Variants in DNASE1 observed in about 807,000 individuals in gnomAD.
DNASE1 encodes the protein deoxyribonuclease 1.
DNASE1 carries 40 observed loss-of-function variants against 33.9 expected under a neutral mutation model. The ratio of observed to expected loss-of-function variants is 1.18; its 90% CI spans 0.92 to 1.54. The LOEUF (loss-of-function observed/expected upper bound fraction) is 1.54, where lower values mean the gene tolerates loss of function less well. Ranked by LOEUF, DNASE1 falls within the 40% of genes most tolerant of loss-of-function variation. The pLI is 0.00. For synonymous variants in DNASE1, 216 were observed against 160.0 expected (o/e 1.35, Z -2.64); for missense variants, 518 against 372.6 (o/e 1.39, Z -3.21).
chr16:3,637,294 A>C (rs1263532825), intron 1 of DNASE1, among the ~76,000 whole-genome samples: 1 of 152,042 alleles, frequency 6.6e-6, no homozygotes, highest in Non-Finnish European at 1.5e-5. Flanking sequence ...TTCCGTAGAG[A>C]CTTCTTAAAT....
intron 1 of DNASE1, among the ~76,000 whole-genome samples, chr16:3,619,562 C>T (rs904173043): frequency 1.7e-4 from 26 of 149,030 alleles, no homozygotes; most frequent in South Asian, 1.3e-3. Context: ...AGGGTTTCAC[C>T]GTGTTAGCCA....
intron 1 of DNASE1, among the ~76,000 whole-genome samples, chr16:3,635,397 G>T (rs574044471): frequency 6.8e-6 from 1 of 147,788 alleles, no homozygotes; most frequent in South Asian, 2.1e-4. Flanking sequence ...GGCAGAGGTT[G>T]CAGTGAGCCA....
At chr16:3,662,811 G>A, downstream of DNASE1, 1 of 1,491,446 alleles carries the variant, frequency 6.7e-7, no homozygotes, top group South Asian at 1.1e-5. Flanking sequence ...CCAGGTACTG[G>A]GAGCCACCAG....
At chr16:3,662,999 C>T (rs2043172522), downstream of DNASE1, 3 of 1,549,948 alleles carry the variant, frequency 1.9e-6, no homozygotes, top group Admixed American at 1.9e-5. Flanking sequence ...GGAGCTCAGG[C>T]CTGCATCCCA....
intron 7 of DNASE1, 75 bp downstream of exon 7, chr16:3,657,416 G>T: frequency 6.3e-7 from 1 of 1,575,190 alleles, no homozygotes; most frequent in South Asian, 1.1e-5. Flanking sequence ...TCGGGCTTCA[G>T]AAGCCTCAAA....
At chr16:3,654,257 C>T (rs560189406), upstream of DNASE1, 1,246 of 397,968 alleles carry the variant, frequency 3.1e-3, 4 homozygotes, top group Non-Finnish European at 3.2e-3. Context: ...AAGAAGGCTC[C>T]CCACTGCTTG....
At chr16:3,664,398 C>T in exon 10 of DNASE1, 1 of 1,612,292 alleles carries the variant, frequency 6.2e-7, no homozygotes, top group East Asian at 2.2e-5. Flanking sequence ...TTCTGAGAGG[C>T]TGGTTAGCTG....
At chr16:3,643,913 A>T (rs936826779) in intron 1 of DNASE1, among the ~76,000 whole-genome samples, 6 of 152,078 alleles carry the variant, frequency 3.9e-5, no homozygotes, top group Non-Finnish European at 7.4e-5. Flanking sequence ...GGCGCCCGCC[A>T]TCATGCCCGG....
chr16:3,617,814 AAG>A (rs2041163253), intron 1 of DNASE1, among the ~76,000 whole-genome samples: 1 of 152,116 alleles, frequency 6.6e-6, no homozygotes, highest in Non-Finnish European at 1.5e-5. Context: ...AAAGAGGCCC[AAG>A]AGAGAAACCC....
chr16:3,632,622 G>T (rs1350528337), intron 1 of DNASE1, among the ~76,000 whole-genome samples: 1 of 141,240 alleles, frequency 7.1e-6, no homozygotes, highest in Non-Finnish European at 1.5e-5. Context: ...TTTCACTCTT[G>T]TTGCCCAGGC....
chr16:3,664,624 G>C, exon 10 of DNASE1: 1 of 711,556 alleles, frequency 1.4e-6, no homozygotes, highest in Admixed American at 3.2e-5. Flanking sequence ...AGCAGGCCTT[G>C]CTCTGCCCAT....
chr16:3,661,800 G>T (rs1369463944), downstream of DNASE1: 1 of 638,666 alleles, frequency 1.6e-6, no homozygotes, highest in Non-Finnish European at 2.3e-6. Flanking sequence ...ACCTGGGGAT[G>T]GTAAGGGGCT....
At chr16:3,661,272 C>G (rs2043057083), downstream of DNASE1, 1 of 151,982 alleles carries the variant, frequency 6.6e-6, no homozygotes, top group African/African-American at 2.4e-5. Flanking sequence ...GAAAGAAACT[C>G]AAAAGATACC....
exon 10 of DNASE1, chr16:3,663,688 G>A (rs2151242274): frequency 2.5e-6 from 3 of 1,215,796 alleles, no homozygotes; most frequent in Non-Finnish European, 3.4e-6. Context: ...CGGGGCAGTT[G>A]GGGTTCCTAG....
intron 1 of DNASE1, among the ~76,000 whole-genome samples, chr16:3,637,916 C>T (rs1028709853): frequency 1.4e-4 from 22 of 152,130 alleles, no homozygotes; most frequent in African/African-American, 5.3e-4. Flanking sequence ...AGTCATTTGC[C>T]CTGTAACTTC....
chr16:3,628,261 T>C (rs1359120980), intron 1 of DNASE1, among the ~76,000 whole-genome samples: 1 of 152,224 alleles, frequency 6.6e-6, no homozygotes, highest in Non-Finnish European at 1.5e-5. Flanking sequence ...TATATAGAAA[T>C]GCAAATGATT....
downstream of DNASE1, chr16:3,660,023 AACCT>A (rs1567217968): frequency 6.6e-6 from 1 of 152,180 alleles, no homozygotes; most frequent in Non-Finnish European, 1.5e-5. Flanking sequence ...CACCGCACCC[AACCT>A]AACAGAGGAA....
chr16:3,616,537 C>T (rs1172635933), intron 1 of DNASE1, among the ~76,000 whole-genome samples: 2 of 126,762 alleles, frequency 1.6e-5, no homozygotes, highest in Non-Finnish European at 3.4e-5. Context: ...GGGAGAATCC[C>T]TTGAACCCAG....
chr16:3,658,177 C>A, downstream of DNASE1: 9 of 1,614,126 alleles, frequency 5.6e-6, no homozygotes, highest in Non-Finnish European at 6.8e-6. Context: ...AGCGGCCCAC[C>A]ATGGCCCTAG....
Sources: gnomAD v4.1 joint callset for allele counts (sites outside exome capture counted in the v4.1 genomes callset) on GRCh38, gnomAD v4.1.1 for gene constraint, MANE v1.5 for transcripts, NCBI Gene and HGNC (gene_info 2026-07-23, HGNC 2026-07-21) for gene names.